NLGN2: variants seen among roughly 807,000 people sequenced by gnomAD.
The protein encoded by NLGN2 is neuroligin 2, also known as neuroligin-2.
NLGN2 carries 11 observed loss-of-function variants against 48.6 expected under a neutral mutation model. The ratio of observed to expected loss-of-function variants is 0.23; its 90% CI spans 0.14 to 0.37. The LOEUF is 0.37. Ranked by LOEUF, NLGN2 falls within the 10% of genes least tolerant of loss-of-function variation. The pLI is 1.00. For missense variants in NLGN2, 801 were observed against 1,225.2 expected, an observed-to-expected ratio of 0.65 and a Z score of 5.17; for synonymous variants, 548 against 550.0, an observed-to-expected ratio of 1.00 and a Z score of 0.05.
At chr17:7,416,388 G>A (rs950967521) in intron 6 of NLGN2, among the ~76,000 whole-genome samples, 15 of 152,010 alleles carry the variant, frequency 9.9e-5, no homozygotes, top group African/African-American at 3.6e-4. Flanking sequence ...ACCCCCCTAG[G>A]GCTCTGCATC....
chr17:7,414,216 G>T (rs951637255), intron 2 of NLGN2, 128 bp from the exon 3 acceptor site: 3 of 800,206 alleles, frequency 3.7e-6, no homozygotes, highest in Non-Finnish European at 6.2e-6. Flanking sequence ...CCCAGGGATG[G>T]GAGTGACATG....
chr17:7,414,990 C>A lies in NLGN2; in HGVS notation c.879C>A (p.Thr293=). 6.2e-7 allele frequency: 1 copy of A among 1,612,492 alleles called. No individual in the cohort carries two copies. Among genetic ancestry groups the A allele is most frequent in the Non-Finnish European group, 8.5e-7 (1 of 1,180,034 alleles). The part of the protein sequence containing the change: ...LFQKAIAQSG[T]AISSWSVNYQ... ...AGAAGGCCATCGCCCAGAGTGGCACCGCCATTTCCAGCTGGTCTGTCAACT... is the reference window on the plus strand; with the variant it reads ...AGAAGGCCATCGCCCAGAGTGGCACAGCCATTTCCAGCTGGTCTGTCAACT... Residue 293 remains threonine (T), a synonymous_variant, in exon 5 of 7, where the codon ACC becomes ACA. Transcript: ENST00000302926.
At chr17:7,412,665 G>A (rs969595170) in intron 2 of NLGN2, among the ~76,000 whole-genome samples, 3 of 151,764 alleles carry the variant, frequency 2.0e-5, no homozygotes, top group Non-Finnish European at 2.9e-5. Flanking sequence ...GAAGCCTGTC[G>A]CAATTTCCAA....
At chr17:7,406,691 C>G (rs1483958788), upstream of NLGN2, among the ~76,000 whole-genome samples, 2 of 151,564 alleles carry the variant, frequency 1.3e-5, no homozygotes, top group African/African-American at 2.4e-5. Context: ...GGTGTCTGCC[C>G]CTCCGGTCTG....
chr17:7,412,022 G>A (rs1320904556), intron 1 of NLGN2, 135 bp from the exon 2 acceptor site: 5 of 586,846 alleles, frequency 8.5e-6, no homozygotes, highest in Non-Finnish European at 1.5e-5. Context: ...CTTTTTTTTG[G>A]CTTCTTTTTT....
At chr17:7,412,106 C>T (rs780794173) in intron 1 of NLGN2, 51 bp from the exon 2 acceptor site, 15 of 878,722 alleles carry the variant, frequency 1.7e-5, no homozygotes, top group South Asian at 3.9e-5. Flanking sequence ...CGACCCCCAT[C>T]TTTCCCCACA....
In NLGN2 at chr17:7,408,136, T is replaced by A; in HGVS notation, c.-120T>A. ...GGTCCCTCCCCAACCCCCTCCTCCC[T>A]CCTTTCCCCCCGCCCCTCCTCCCTC... On this transcript the variant is annotated 5_prime_UTR_variant, in exon 1 of 7. Transcript: ENST00000302926. This position sits in a 1 kb window ranked among gnomAD's most constrained non-coding sequence, Gnocchi z 7.5. The A allele has an allele frequency of 7.5e-6, 3 of 397,352 alleles. No homozygotes were observed. The highest frequency in any genetic ancestry group is 5.2e-5 in the Admixed American group (1 of 19,072). The allele number at this position is 397,352 out of a possible 1,614,324, so 24.6% of individuals were successfully genotyped here.
Position 7,416,003 on chromosome 17 carries a change from G to A in NLGN2, c.1530G>A (p.Val510=). The change falls in exon 6 of 7, where the codon GTG becomes GTA. Residue 510 remains valine (V), a synonymous_variant. Coordinates refer to ENST00000302926, the MANE Select transcript of NLGN2 (RefSeq NM_020795.4). The part of the protein sequence containing the change: ...HGDELPYVFG[V]PMVGATDLFP... The stretch of plus-strand genomic sequence containing the variant: ...ATGAACTGCCCTATGTCTTTGGCGT[G>A]CCCATGGTGGGTGCCACCGACCTCT... The A allele has an allele frequency of 6.2e-7, 1 of 1,614,168 alleles. No individual in the cohort carries two copies. Among genetic ancestry groups the A allele is most frequent in the Non-Finnish European group, 8.5e-7 (1 of 1,180,022 alleles).
chr17:7,415,464 G>A (rs1321883294), intron 5 of NLGN2, 47 bp from the exon 6 acceptor site: 2 of 1,527,650 alleles, frequency 1.3e-6, no homozygotes, highest in Admixed American at 1.7e-5. Flanking sequence ...CACAGGCCAA[G>A]AGGAGGCCAG....
Position 7,417,983 on chromosome 17 carries a change from T to G in NLGN2, c.*184T>G. The G allele has an allele frequency of 2.2e-6, 1 of 451,596 alleles. No individual in the cohort carries two copies. Among genetic ancestry groups the G allele is most frequent in the Non-Finnish European group, 3.6e-6 (1 of 279,050 alleles). The allele number at this position is 451,596 out of a possible 1,614,324, so 28.0% of individuals were successfully genotyped here. Reference sequence around the variant, plus strand: ...TTCCCACGCAGAGAAGCCCAGTCTCTTCTCTGGATCTGGGCCTTTGAACAA... The same window carrying G: ...TTCCCACGCAGAGAAGCCCAGTCTCGTCTCTGGATCTGGGCCTTTGAACAA... On this transcript the variant is annotated 3_prime_UTR_variant, in exon 7 of 7. Transcript: ENST00000302926.
chr17:7,417,836 T>C lies in NLGN2; in HGVS notation c.*37T>C, dbSNP rs1907204023. ...GGAGGCCCTCCTCCCCGGCCCTCCC[T>C]GGCCCGGCCACTCCGAAGGCAGGGA... On this transcript the variant is annotated 3_prime_UTR_variant, in exon 7 of 7. Transcript: ENST00000302926. The C allele has an allele frequency of 7.4e-7, 1 of 1,346,232 alleles. No homozygotes were observed. Among genetic ancestry groups the C allele is most frequent in the Non-Finnish European group, 9.5e-7 (1 of 1,058,004 alleles). 83.4% of individuals were successfully genotyped at this position (1,346,232 alleles called of 1,614,324 possible).
chr17:7,406,449 A>G (rs912135623), upstream of NLGN2, among the ~76,000 whole-genome samples: 3 of 152,088 alleles, frequency 2.0e-5, no homozygotes, highest in African/African-American at 7.2e-5. Context: ...TGGGGGAATC[A>G]GCCCCGAGCC....
At chr17:7,416,181 G>C in intron 6 of NLGN2, 74 bp downstream of exon 6, 1 of 1,238,802 alleles carries the variant, frequency 8.1e-7, no homozygotes, top group Non-Finnish European at 1.2e-6. Context: ...CCTCTGTTAA[G>C]GCACTCACTC....
At chr17:7,410,861 G>C (rs1020343149) in intron 1 of NLGN2, among the ~76,000 whole-genome samples, 1 of 152,216 alleles carries the variant, frequency 6.6e-6, no homozygotes, top group Non-Finnish European at 1.5e-5. Flanking sequence ...ACGTGCACAC[G>C]TGCCTTGCTC....
At chr17:7,412,077 C>T (rs1906921184) in intron 1 of NLGN2, 80 bp from the exon 2 acceptor site, 2 of 695,816 alleles carry the variant, frequency 2.9e-6, no homozygotes, top group East Asian at 3.2e-5. Context: ...TCCTCCCCTC[C>T]CCATCCACCA....
At position 7,418,117 on chromosome 17, in the gene NLGN2, G is replaced by A. The variant is rs945691664; in HGVS notation, c.*318G>A. ...CTCACAACGGGGTGTGTTTTCCCAT[G>A]TGCAGGGTGAGGTTTTTTTTTGCCA... On this transcript the variant is annotated 3_prime_UTR_variant, in exon 7 of 7. Coordinates refer to ENST00000302926, the MANE Select transcript of NLGN2 (RefSeq NM_020795.4). 1.5e-5 allele frequency: 3 copies of A among 195,100 alleles called. No homozygotes were observed. Among genetic ancestry groups the A allele is most frequent in the Admixed American group, 6.1e-5 (1 of 16,400 alleles). The allele number at this position is 195,100 out of a possible 1,614,324, so 12.1% of individuals were successfully genotyped here.
upstream of NLGN2, among the ~76,000 whole-genome samples, chr17:7,406,701 G>C (rs1163705938): frequency 1.3e-5 from 2 of 151,576 alleles, no homozygotes; most frequent in African/African-American, 2.4e-5. Flanking sequence ...CCTCCGGTCT[G>C]ATCTTCTCCC....
rs915575415 is a variant in NLGN2, at chr17:7,418,050, G to A, written c.*251G>A. 10 of 322,564 alleles carry A rather than the reference G, an allele frequency of 3.1e-5. No homozygotes were observed. The highest frequency in any genetic ancestry group is 7.8e-4 in the Middle Eastern group (1 of 1,274). The allele number at this position is 322,564 out of a possible 1,614,324, so 20.0% of individuals were successfully genotyped here. On this transcript the variant is annotated 3_prime_UTR_variant, in exon 7 of 7. Coordinates refer to ENST00000302926, the MANE Select transcript of NLGN2 (RefSeq NM_020795.4). ...CCCCCCCATTGGGACACCAGTCTTCGGTGTGTGGAATGTGGTATTTTCCCG... is the reference window on the plus strand; with the variant it reads ...CCCCCCCATTGGGACACCAGTCTTCAGTGTGTGGAATGTGGTATTTTCCCG...
rs1182161005 is a variant in NLGN2, at chr17:7,408,375, C to T, written c.120C>T (p.Arg40=). The change falls in exon 1 of 7, where the codon CGC becomes CGT. Residue 40 remains arginine, a synonymous_variant. Coordinates refer to ENST00000302926, the MANE Select transcript of NLGN2 (RefSeq NM_020795.4). This position sits in a 1 kb window ranked among gnomAD's most constrained non-coding sequence, Gnocchi z 7.5. ...GLGLGSLGEE[R]FPVVNTAYGR... ...GCCTCGGCAGCCTCGGCGAGGAGCG[C>T]TTCCCGGTGGTGAACACGGCCTACG... 1 of 1,519,504 alleles carries T rather than the reference C, an allele frequency of 6.6e-7. No individual in the cohort carries two copies. The highest frequency in any genetic ancestry group is 1.2e-5 in the South Asian group (1 of 81,048). 94.1% of individuals were successfully genotyped at this position (1,519,504 alleles called of 1,614,324 possible). A position where few individuals can be genotyped will look rare whatever the true frequency, so the allele number is the denominator to read the frequency against.
Sources: allele counts gnomAD v4.1 joint callset (sites outside exome capture counted in the v4.1 genomes callset), GRCh38; gene constraint gnomAD v4.1.1; non-coding constraint Gnocchi (gnomAD v3.1); transcripts MANE v1.5; gene names NCBI Gene and HGNC (gene_info 2026-07-23, HGNC 2026-07-21).